ROBO2: variants seen among roughly 807,000 people sequenced by gnomAD.
ROBO2 encodes roundabout homolog 2.
In ROBO2, 53 loss-of-function variants were observed where a neutral mutation model predicts 160.8. The ratio of observed to expected loss-of-function variants is 0.33; its 90% CI spans 0.26 to 0.41. The LOEUF is 0.41. Among genes scored for constraint, ROBO2 ranks in the 10% least tolerant of loss-of-function variants. The pLI, the probability that ROBO2 is intolerant of heterozygous loss-of-function variation, is 1.00. For missense variants in ROBO2, 1,577 were observed against 1,722.4 expected, an observed-to-expected ratio of 0.92 and a Z score of 1.49; for synonymous variants, 664 against 611.7, an observed-to-expected ratio of 1.09 and a Z score of -1.26.
At chr3:76,509,944 C>T (rs1253216117) in intron 2 of ROBO2, among the ~76,000 whole-genome samples, 1 of 151,898 alleles carries the variant, frequency 6.6e-6, no homozygotes, top group African/African-American at 2.4e-5. Flanking sequence ...CACACACACA[C>T]ACAGTTTATT....
At chr3:77,572,526 G>A (rs1198701483) in intron 13 of ROBO2, among the ~76,000 whole-genome samples, 2 of 151,312 alleles carry the variant, frequency 1.3e-5, no homozygotes, top group African/African-American at 2.4e-5. Flanking sequence ...CCTCATACAA[G>A]TGTAGCACTA....
intron 2 of ROBO2, among the ~76,000 whole-genome samples, chr3:76,763,744 A>C (rs2061434478): frequency 6.6e-6 from 1 of 151,668 alleles, no homozygotes; most frequent in Admixed American, 6.6e-5. Context: ...GGATCTGGGT[A>C]AACTGTGGAA....
intron 2 of ROBO2, among the ~76,000 whole-genome samples, chr3:75,963,497 G>A (rs1444799300): frequency 6.6e-6 from 1 of 151,708 alleles, no homozygotes; most frequent in African/African-American, 2.4e-5. Flanking sequence ...TCATGAAACT[G>A]TTTTTTTAAA....
intron 2 of ROBO2, among the ~76,000 whole-genome samples, chr3:76,117,411 A>T (rs2070519446): frequency 6.6e-6 from 1 of 152,198 alleles, no homozygotes; most frequent in Non-Finnish European, 1.5e-5. Context: ...AATAAAACCT[A>T]TACAGTGATT....
chr3:76,590,897 A>T (rs1447617214), intron 2 of ROBO2, among the ~76,000 whole-genome samples: 1 of 152,160 alleles, frequency 6.6e-6, no homozygotes, highest in Non-Finnish European at 1.5e-5. Flanking sequence ...TCGTTTTGTT[A>T]TCAACTGCAG....
intron 2 of ROBO2, among the ~76,000 whole-genome samples, chr3:77,352,614 G>T (rs993677426): frequency 6.6e-6 from 1 of 152,030 alleles, no homozygotes; most frequent in Non-Finnish European, 1.5e-5. Flanking sequence ...GACACAGAAT[G>T]AATAGTCTCA....
chr3:77,014,168 C>T (rs915028456), intron 2 of ROBO2, among the ~76,000 whole-genome samples: 39 of 150,152 alleles, frequency 2.6e-4, no homozygotes, highest in African/African-American at 8.6e-4. Context: ...AATTTTAGAG[C>T]GTATAAACAT....
chr3:76,842,453 A>T (rs1214909777), intron 2 of ROBO2, among the ~76,000 whole-genome samples: 1 of 152,216 alleles, frequency 6.6e-6, no homozygotes. Context: ...AAGACCAAGA[A>T]CTGTGAGTGT....
chr3:77,488,425 A>C (rs766285673), intron 4 of ROBO2, among the ~76,000 whole-genome samples: 1 of 152,204 alleles, frequency 6.6e-6, no homozygotes, highest in Non-Finnish European at 1.5e-5. Flanking sequence ...GTTTTTCAAT[A>C]TGTGGTCAGA....
chr3:77,181,671 A>G (rs2080797939), intron 2 of ROBO2, among the ~76,000 whole-genome samples: 2 of 152,132 alleles, frequency 1.3e-5, no homozygotes, highest in Non-Finnish European at 2.9e-5. Flanking sequence ...TTGAAAATGC[A>G]TTAATGAATA....
chr3:76,228,946 A>T (rs1704455953), intron 2 of ROBO2, among the ~76,000 whole-genome samples: 1 of 152,206 alleles, frequency 6.6e-6, no homozygotes, highest in Admixed American at 6.5e-5. Flanking sequence ...TAGGAGTTCA[A>T]GGCTGTAGTG....
intron 2 of ROBO2, among the ~76,000 whole-genome samples, chr3:76,287,739 G>C (rs565954430): frequency 9.2e-5 from 14 of 152,254 alleles, no homozygotes; most frequent in African/African-American, 3.4e-4. Context: ...TTGATGCTTT[G>C]GTTTCCTCAT....
At chr3:77,070,955 C>A (rs1371714497) in intron 1 of ROBO2, among the ~76,000 whole-genome samples, 1 of 151,984 alleles carries the variant, frequency 6.6e-6, no homozygotes, top group Admixed American at 6.6e-5. Context: ...TCGATATACA[C>A]CAGGGTGTAA....
chr3:76,708,265 A>G (rs2093213442), intron 2 of ROBO2, among the ~76,000 whole-genome samples: 1 of 152,202 alleles, frequency 6.6e-6, no homozygotes, highest in Non-Finnish European at 1.5e-5. Flanking sequence ...TTTCTTGTAG[A>G]GATGGCATTT....
chr3:76,939,353 A>G (rs1471594858), intron 2 of ROBO2, among the ~76,000 whole-genome samples: 2 of 152,224 alleles, frequency 1.3e-5, no homozygotes, highest in African/African-American at 2.4e-5. Flanking sequence ...TCTGATTTTT[A>G]ACATTGGTAA....
chr3:76,464,333 A>G (rs17014227), intron 2 of ROBO2, among the ~76,000 whole-genome samples: 7,783 of 152,212 alleles, frequency 0.051, 647 homozygotes, highest in African/African-American at 0.17. Flanking sequence ...TTGATGTGAA[A>G]ACGTTTCCCA....
intron 2 of ROBO2, among the ~76,000 whole-genome samples, chr3:76,179,132 TATTA>T (rs1047134806): frequency 2.0e-5 from 3 of 152,108 alleles, no homozygotes; most frequent in Non-Finnish European, 4.4e-5. Context: ...TAATGAGACA[TATTA>T]ATTTGTCTCA....
At chr3:76,066,673 A>G (rs2068263620) in intron 2 of ROBO2, among the ~76,000 whole-genome samples, 1 of 152,032 alleles carries the variant, frequency 6.6e-6, no homozygotes, top group African/African-American at 2.4e-5. Context: ...ACCTATGTTA[A>G]GGAATGCAAT....
At chr3:76,286,671 G>A (rs1017023950) in intron 2 of ROBO2, among the ~76,000 whole-genome samples, 16 of 152,230 alleles carry the variant, frequency 1.1e-4, no homozygotes, top group Admixed American at 6.5e-4. Flanking sequence ...TGAGGACTAT[G>A]TATGTCTTGG....
Sources: gnomAD v4.1 joint callset for allele counts (sites outside exome capture counted in the v4.1 genomes callset) on GRCh38, gnomAD v4.1.1 for gene constraint, MANE v1.5 for transcripts, NCBI Gene and HGNC (gene_info 2026-07-23, HGNC 2026-07-21) for gene names.